TRMT2B: variants seen among roughly 807,000 people sequenced by gnomAD.
TRMT2B encodes the protein tRNA (uracil-5-)-methyltransferase homolog B.
TRMT2B carries 34 observed loss-of-function variants against 39.7 expected under a neutral mutation model. The ratio of observed to expected loss-of-function variants is 0.86; its 90% confidence interval spans 0.65 to 1.14. TRMT2B has a LOEUF of 1.14. Ranked by LOEUF, TRMT2B falls within the 50% of genes most tolerant of loss-of-function variation. TRMT2B has a pLI of 0.00. For synonymous variants in TRMT2B, 132 were observed against 137.3 expected, an observed-to-expected ratio of 0.96 and a Z score of 0.27; for missense variants, 318 against 377.2, an observed-to-expected ratio of 0.84 and a Z score of 1.30.
chrX:101,013,742 C>CAAAA (rs149508279), intron 13 of TRMT2B: 22 of 38,876 alleles, frequency 5.7e-4, no homozygotes, highest in South Asian at 1.5e-3. Flanking sequence ...GACTCCGTCT[C>CAAAA]AAAAAAAAAA....
At chrX:100,984,154 C>G in the TRMT2B span, among the ~76,000 whole-genome samples, 8 of 107,069 alleles carry the variant, frequency 7.5e-5, no homozygotes, top group Non-Finnish European at 1.5e-4. Context: ...ACTCTTGTCC[C>G]CCATGCTGGA....
Position 101,009,404 on chromosome X carries a change from T to C in TRMT2B, c.*1177A>G, listed in dbSNP as rs2086162170. On this transcript the variant is annotated 3_prime_UTR_variant, in exon 14 of 14. Coordinates refer to ENST00000372936, the MANE Select transcript of TRMT2B (RefSeq NM_024917.6). Reference sequence around the variant, plus strand: ...ATACTAGATTTTGGAGCTTTTTGCCTCCACACTACACAGCACAATTATAGG... The same window carrying C: ...ATACTAGATTTTGGAGCTTTTTGCCCCCACACTACACAGCACAATTATAGG... 1 of 110,744 alleles carries C rather than the reference T, an allele frequency of 9.0e-6. No homozygotes were observed. The highest frequency in any genetic ancestry group is 1.9e-5 in the Non-Finnish European group (1 of 52,992). 9.1% of individuals were successfully genotyped at this position (110,744 alleles called of 1,213,427 possible).
In TRMT2B at chrX:101,010,557, G is replaced by A. The variant is rs1288228450; in HGVS notation, c.*24C>T. The A allele has an allele frequency of 8.3e-7, 1 of 1,208,131 alleles. No individual in the cohort carries two copies. Among genetic ancestry groups the A allele is most frequent in the Admixed American group, 2.2e-5 (1 of 45,607 alleles). On this transcript the variant is annotated 3_prime_UTR_variant, in exon 14 of 14. Coordinates refer to ENST00000372936, the MANE Select transcript of TRMT2B (RefSeq NM_024917.6). ...TCTGAAACTTCAGCCTTAACAAATA[G>A]CCTGCTGTCTTCTAGGAGGCTGCTT... is the stretch of plus-strand genomic sequence containing the variant.
At chrX:101,050,364 T>C (rs932880200) in intron 2 of TRMT2B, among the ~76,000 whole-genome samples, 1 of 112,735 alleles carries the variant, frequency 8.9e-6, no homozygotes, top group African/African-American at 3.2e-5. Flanking sequence ...TGTTTCTTTC[T>C]TAATGTCAGG....
intron 2 of TRMT2B, among the ~76,000 whole-genome samples, chrX:101,050,317 T>C (rs1216142381): frequency 1.8e-5 from 2 of 112,426 alleles, no homozygotes; most frequent in Non-Finnish European, 3.7e-5. Flanking sequence ...AAATTTCTTT[T>C]TCAAGGCAGC....
chrX:101,046,260 T>C (rs904351239), intron 2 of TRMT2B, among the ~76,000 whole-genome samples: 3 of 111,383 alleles, frequency 2.7e-5, no homozygotes, highest in Non-Finnish European at 3.8e-5. Flanking sequence ...AAGGTAATAT[T>C]TGGAGAGCAA....
the TRMT2B span, chrX:100,987,294 T>C: frequency 1.1e-6 from 1 of 886,658 alleles, no homozygotes; most frequent in African/African-American, 2.0e-5. Context: ...GCAGAGTTTA[T>C]GTGTTCCTTC....
the TRMT2B span, among the ~76,000 whole-genome samples, chrX:101,001,172 A>T: frequency 9.0e-6 from 1 of 111,049 alleles, no homozygotes; most frequent in Non-Finnish European, 1.9e-5. Flanking sequence ...AATTTTAAAA[A>T]GACTGATGAC....
the TRMT2B span, among the ~76,000 whole-genome samples, chrX:100,991,193 T>G: frequency 9.0e-6 from 1 of 111,597 alleles, no homozygotes; most frequent in Non-Finnish European, 1.9e-5. Context: ...AATCCAAAAA[T>G]CTGAAACATT....
the TRMT2B span, chrX:100,988,151 G>A: frequency 8.4e-6 from 9 of 1,067,467 alleles, no homozygotes; most frequent in South Asian, 6.0e-5. Context: ...AGCTTGAAGT[G>A]TGTCCGTTTC....
At chrX:101,001,402 A>T in the TRMT2B span, among the ~76,000 whole-genome samples, 1 of 109,543 alleles carries the variant, frequency 9.1e-6, no homozygotes, top group Non-Finnish European at 1.9e-5. Flanking sequence ...TGCCTGGAAA[A>T]TTTTTTTGTG....
chrX:100,986,797 T>G, the TRMT2B span: 1 of 1,186,875 alleles, frequency 8.4e-7, no homozygotes, highest in African/African-American at 1.8e-5. Context: ...CTGTTTTAGT[T>G]TAGCAAACAA....
At chrX:100,990,220 C>A in the TRMT2B span, 1 of 417,824 alleles carries the variant, frequency 2.4e-6, no homozygotes, top group Non-Finnish European at 3.1e-6. Context: ...GCAGTCTATA[C>A]CCTGTTGGAA....
At chrX:100,988,372 G>A in the TRMT2B span, 20 of 1,205,104 alleles carry the variant, frequency 1.7e-5, no homozygotes, top group Admixed American at 4.0e-4. Flanking sequence ...TCTTCTTGCT[G>A]TACAGAAAGA....
intron 7 of TRMT2B, among the ~76,000 whole-genome samples, chrX:101,027,565 C>T (rs1448950993): frequency 1.8e-5 from 2 of 110,337 alleles, no homozygotes; most frequent in Non-Finnish European, 3.8e-5. Context: ...CTGACCGTTC[C>T]TTCAGTCTCC....
intron 13 of TRMT2B, among the ~76,000 whole-genome samples, chrX:101,016,562 G>C (rs2086524244): frequency 9.3e-6 from 1 of 107,298 alleles, no homozygotes; most frequent in Non-Finnish European, 1.9e-5. Context: ...CTGCAGCCTT[G>C]ACCTCCTGGA....
chrX:100,979,469 C>G, the TRMT2B span, among the ~76,000 whole-genome samples: 6 of 111,919 alleles, frequency 5.4e-5, no homozygotes, highest in Admixed American at 3.8e-4. Context: ...TTATTTCAAT[C>G]TTTGTTAAAC....
chrX:100,996,284 C>T, the TRMT2B span, among the ~76,000 whole-genome samples: 2 of 111,457 alleles, frequency 1.8e-5, no homozygotes, highest in African/African-American at 6.5e-5. Context: ...GAGCGGGGAG[C>T]GGAGAAAGAG....
downstream of TRMT2B, chrX:101,009,313 G>A (rs2086160173): frequency 9.0e-6 from 1 of 110,822 alleles, no homozygotes; most frequent in Non-Finnish European, 1.9e-5. Context: ...CAACTCCAGA[G>A]TTGATGAAAT....
Sources: allele counts gnomAD v4.1 joint callset (sites outside exome capture counted in the v4.1 genomes callset), GRCh38; gene constraint gnomAD v4.1.1; transcripts MANE v1.5; gene names NCBI Gene and HGNC (gene_info 2026-07-23, HGNC 2026-07-21).